Variants in DTNA observed in about 807,000 individuals in gnomAD.
The protein encoded by DTNA is dystrophin-related protein 3.
A neutral mutation model predicts 100.7 loss-of-function variants in DTNA; 43 were observed. The observed-to-expected ratio is 0.43, with a 90% CI of 0.33 to 0.55. The LOEUF is 0.55. Ranked by LOEUF, DTNA falls within the 20% of genes least tolerant of loss-of-function variation. The probability of loss-of-function intolerance (pLI) is 0.04; values close to 1 mark genes in which losing one functional copy is unlikely to be tolerated. For synonymous variants in DTNA, 349 were observed against 347.9 expected, an observed-to-expected ratio of 1.00 and a Z score of -0.04; for missense variants, 798 against 953.9, an observed-to-expected ratio of 0.84 and a Z score of 2.15.
chr18:34,678,057 G>A (rs932275398), intron 1 of DTNA, among the ~76,000 whole-genome samples: 1 of 152,176 alleles, frequency 6.6e-6, no homozygotes, highest in Non-Finnish European at 1.5e-5. Context: ...GGAGAGAGAA[G>A]TGCCGAGCAA....
chr18:34,605,306 G>GAAAAAAAA (rs2052804890), intron 1 of DTNA, among the ~76,000 whole-genome samples: 2 of 151,988 alleles, frequency 1.3e-5, no homozygotes, highest in Admixed American at 1.3e-4. Context: ...AACTTATTTT[G>GAAAAAAAA]AATACCAAAT....
intron 1 of DTNA, among the ~76,000 whole-genome samples, chr18:34,525,313 A>G (rs2042514266): frequency 6.6e-6 from 1 of 152,116 alleles, no homozygotes; most frequent in Non-Finnish European, 1.5e-5. Flanking sequence ...ACCAGGGCAG[A>G]GGTGCCATTC....
chr18:34,796,769 G>T (rs555842209), intron 4 of DTNA, among the ~76,000 whole-genome samples: 2 of 152,280 alleles, frequency 1.3e-5, no homozygotes, highest in Admixed American at 6.5e-5. Flanking sequence ...GCCATTTTGT[G>T]GGGGAGGGGA....
intron 1 of DTNA, among the ~76,000 whole-genome samples, chr18:34,601,213 G>A (rs1005038165): frequency 2.0e-5 from 3 of 152,204 alleles, no homozygotes; most frequent in African/African-American, 7.2e-5. Context: ...GCAGCTGAGA[G>A]GCAGTTTTGT....
Position 34,867,770 on chromosome 18 carries a change from A to T in DTNA, c.1743+3708A>T, listed in dbSNP as rs2096722076. The T allele has an allele frequency of 5.1e-6, 5 of 985,368 alleles. No individual in the cohort carries two copies. In the South Asian group the frequency reaches 1.9e-4, roughly 37 times the overall value. 61.0% of individuals were successfully genotyped at this position (985,368 alleles called of 1,614,324 possible). A position where few individuals can be genotyped will look rare whatever the true frequency, so the allele number is the denominator to read the frequency against. On this transcript the variant is annotated intron_variant, in intron 17 of 22. Coordinates refer to ENST00000444659, the MANE Select transcript of DTNA (RefSeq NM_001386795.1). ...CGTAAACAGATGGATGCACAGAGCC[A>T]AACTGTGGCAGTGCCCCCAAGGTGG... is the stretch of plus-strand genomic sequence containing the variant.
chr18:34,681,733 CCACACACA>C (rs146646292), intron 1 of DTNA, among the ~76,000 whole-genome samples: 5 of 147,642 alleles, frequency 3.4e-5, no homozygotes, highest in Admixed American at 3.4e-4. Context: ...CACACACACC[CCACACACA>C]CACACCCTAT....
chr18:34,889,701 A>G lies in DTNA; in HGVS notation c.*1967A>G. On this transcript the variant is annotated 3_prime_UTR_variant, in exon 23 of 23. Transcript: ENST00000444659. Reference sequence around the variant, plus strand: ...ACTTGCCTTGGGGATAAAGTGCTCAATTGGCATTAGTGAGAAGCCCATCCT... The same window carrying G: ...ACTTGCCTTGGGGATAAAGTGCTCAGTTGGCATTAGTGAGAAGCCCATCCT... 1.0e-6 allele frequency: 1 copy of G among 985,866 alleles called. No individual in the cohort carries two copies. Among genetic ancestry groups the G allele is most frequent in the Non-Finnish European group, 1.2e-6 (1 of 830,012 alleles). The allele number at this position is 985,866 out of a possible 1,614,324, so 61.1% of individuals were successfully genotyped here. A position where few individuals can be genotyped will look rare whatever the true frequency, so the allele number is the denominator to read the frequency against.
At chr18:34,740,346 T>A (rs1228120992) in intron 1 of DTNA, among the ~76,000 whole-genome samples, 1 of 152,138 alleles carries the variant, frequency 6.6e-6, no homozygotes, top group Non-Finnish European at 1.5e-5. Context: ...GGAAAAAGGC[T>A]TTGTTAAAAA....
chr18:34,601,668 A>G (rs984027347), intron 1 of DTNA, among the ~76,000 whole-genome samples: 1 of 152,206 alleles, frequency 6.6e-6, no homozygotes, highest in Admixed American at 6.5e-5. Flanking sequence ...GCGATCTGAT[A>G]CTAATGTCTA....
intron 17 of DTNA, chr18:34,866,458 A>T: frequency 8.0e-7 from 1 of 1,245,412 alleles, no homozygotes; most frequent in Non-Finnish European, 1.0e-6. Flanking sequence ...TGTTGATCAG[A>T]CCCTTCTCTT....
intron 1 of DTNA, among the ~76,000 whole-genome samples, chr18:34,608,505 T>G (rs2053576111): frequency 6.9e-6 from 1 of 144,118 alleles, no homozygotes; most frequent in South Asian, 2.1e-4. Context: ...GACAAAAGTA[T>G]TCGTTAGGTT....
At chr18:34,583,376 T>G (rs2048821546) in intron 1 of DTNA, among the ~76,000 whole-genome samples, 1 of 152,156 alleles carries the variant, frequency 6.6e-6, no homozygotes, top group Non-Finnish European at 1.5e-5. Context: ...GGGATCATTT[T>G]GGAGAGATGT....
intron 1 of DTNA, among the ~76,000 whole-genome samples, chr18:34,538,165 C>A (rs1220624711): frequency 6.6e-6 from 1 of 151,988 alleles, no homozygotes; most frequent in Non-Finnish European, 1.5e-5. Flanking sequence ...AAAGTTATAC[C>A]AGGCAAGTGC....
At chr18:34,540,827 T>G (rs2044180119) in intron 1 of DTNA, among the ~76,000 whole-genome samples, 1 of 152,118 alleles carries the variant, frequency 6.6e-6, no homozygotes, top group Non-Finnish European at 1.5e-5. Flanking sequence ...CATGATGTGC[T>G]GGACAACCAA....
chr18:34,799,849 C>T (rs2095138575), intron 4 of DTNA, among the ~76,000 whole-genome samples: 1 of 152,128 alleles, frequency 6.6e-6, no homozygotes, highest in South Asian at 2.1e-4. Context: ...GGTATGGGGG[C>T]ATTCCAACAG....
intron 1 of DTNA, among the ~76,000 whole-genome samples, chr18:34,509,275 C>G (rs532677098): frequency 6.6e-6 from 1 of 152,230 alleles, no homozygotes; most frequent in South Asian, 2.1e-4. Flanking sequence ...CCAGCCATGG[C>G]AATACTAATC....
intron 11 of DTNA, among the ~76,000 whole-genome samples, chr18:34,836,944 A>G (rs1270524332): frequency 6.6e-6 from 1 of 152,050 alleles, no homozygotes; most frequent in African/African-American, 2.4e-5. Flanking sequence ...ATTTTTTAGT[A>G]CTTCATGGCC....
intron 1 of DTNA, among the ~76,000 whole-genome samples, chr18:34,711,291 AT>A (rs1425025091): frequency 1.3e-5 from 2 of 152,146 alleles, no homozygotes; most frequent in Non-Finnish European, 2.9e-5. Context: ...AAGGAGAACA[AT>A]TTCTTTAATA....
intron 5 of DTNA, among the ~76,000 whole-genome samples, chr18:34,808,120 C>T (rs928840052): frequency 1.3e-5 from 2 of 152,080 alleles, no homozygotes; most frequent in African/African-American, 2.4e-5. Flanking sequence ...TAATAGGTAC[C>T]TGGATAGAAG....
Sources: gnomAD v4.1 joint callset for allele counts (sites outside exome capture counted in the v4.1 genomes callset) on GRCh38, gnomAD v4.1.1 for gene constraint, MANE v1.5 for transcripts, NCBI Gene and HGNC (gene_info 2026-07-23, HGNC 2026-07-21) for gene names.